ANKRD12: variants seen among roughly 807,000 people sequenced by gnomAD.
ANKRD12 encodes ankyrin repeat domain 12.
A neutral mutation model predicts 183.4 loss-of-function variants in ANKRD12; 85 were observed. The ratio of observed to expected loss-of-function variants is 0.46; its 90% CI spans 0.39 to 0.56. The LOEUF (loss-of-function observed/expected upper bound fraction) is 0.56, where lower values mean the gene tolerates loss of function less well. Ranked by LOEUF, ANKRD12 falls within the 20% of genes least tolerant of loss-of-function variation. ANKRD12 has a pLI of 0.00. For missense variants in ANKRD12, 2,405 were observed against 2,357.1 expected (o/e 1.02, Z -0.42); for synonymous variants, 914 against 800.2 (o/e 1.14, Z -2.40).
intron 2 of ANKRD12, among the ~76,000 whole-genome samples, chr18:9,186,437 A>G (rs1314004124): frequency 6.6e-6 from 1 of 152,160 alleles, no homozygotes; most frequent in Non-Finnish European, 1.5e-5. Flanking sequence ...TATGTTTTTC[A>G]AGATCAGTAG....
chr18:9,190,155 A>C (rs930541148), intron 2 of ANKRD12, among the ~76,000 whole-genome samples: 46 of 152,332 alleles, frequency 3.0e-4, no homozygotes, highest in African/African-American at 1.0e-3. Flanking sequence ...TGGATGACTG[A>C]GAGGGTCAAG....
At chr18:9,246,947 A>G (rs955113209) in intron 8 of ANKRD12, among the ~76,000 whole-genome samples, 2 of 150,454 alleles carry the variant, frequency 1.3e-5, no homozygotes, top group Admixed American at 1.3e-4. Context: ...TTTGCACTAC[A>G]CCAGGCTGAT....
intron 4 of ANKRD12, among the ~76,000 whole-genome samples, chr18:9,206,048 C>T (rs2035468424): frequency 1.3e-5 from 2 of 152,066 alleles, no homozygotes; most frequent in African/African-American, 2.4e-5. Context: ...AAAACTGGAA[C>T]ATCTTTGTAT....
intron 8 of ANKRD12, among the ~76,000 whole-genome samples, chr18:9,227,995 C>G (rs1263307101): frequency 1.3e-5 from 2 of 152,164 alleles, no homozygotes; most frequent in Non-Finnish European, 2.9e-5. Flanking sequence ...TCATTCTAGT[C>G]TCTATGTCCA....
chr18:9,234,552 C>T (rs929710257), intron 8 of ANKRD12, among the ~76,000 whole-genome samples: 3 of 152,134 alleles, frequency 2.0e-5, no homozygotes, highest in Admixed American at 1.3e-4. Flanking sequence ...CCCCATAGCA[C>T]CTTTGGGTCC....
At position 9,239,585 on chromosome 18, in the gene ANKRD12, G is replaced by A. The variant is rs530440725; in HGVS notation, c.944-14626G>A. The A allele has an allele frequency of 8.0e-5, 96 of 1,198,124 alleles. 1 individual carries two copies. The African/African-American group carries it at 1.1e-3, about 13-fold the overall frequency. The allele number at this position is 1,198,124 out of a possible 1,614,324, so 74.2% of individuals were successfully genotyped here. On this transcript the variant is annotated intron_variant, in intron 8 of 12. Transcript: ENST00000262126. ...AGTATCATATAAAGATTTTGGAGTT[G>A]CTGAAAAAGACTGATGAAAATACCC...
chr18:9,183,331 A>G (rs1006901164), intron 2 of ANKRD12, among the ~76,000 whole-genome samples: 14 of 111,740 alleles, frequency 1.3e-4, no homozygotes, highest in African/African-American at 4.4e-4. Context: ...TGTGTAGATC[A>G]CTTTGAGTTG....
chr18:9,194,088 T>A (rs1015426717), intron 2 of ANKRD12, among the ~76,000 whole-genome samples: 7 of 152,222 alleles, frequency 4.6e-5, no homozygotes, highest in Admixed American at 4.6e-4. Flanking sequence ...GATTATTCTT[T>A]GGTTCCTGTG....
At position 9,231,473 on chromosome 18, in the gene ANKRD12, A is replaced by T. The variant is rs139894535; in HGVS notation, c.943+9474A>T. Among the ~76,000 whole-genome samples the T allele has an allele frequency of 2.9e-3, 434 of 151,916 alleles. 2 individuals carry two copies. Among genetic ancestry groups the T allele is most frequent in the Middle Eastern group, 0.017 (5 of 292 alleles). On this transcript the variant is annotated intron_variant, in intron 8 of 12. Coordinates refer to ENST00000262126, the MANE Select transcript of ANKRD12 (RefSeq NM_015208.5). ...ATTGTTATATTCTCTTGCTGTAATGATCTCTTTATCATTATATGATTACCT... is the reference window on the plus strand; with the variant it reads ...ATTGTTATATTCTCTTGCTGTAATGTTCTCTTTATCATTATATGATTACCT...
intron 8 of ANKRD12, among the ~76,000 whole-genome samples, chr18:9,222,877 A>T (rs74931839): frequency 0.013 from 1,959 of 152,324 alleles, 47 homozygotes; most frequent in African/African-American, 0.045. Flanking sequence ...AAAATTGTAA[A>T]TATACTCCAA....
chr18:9,152,163 CCTT>C (rs1435636902), intron 1 of ANKRD12, among the ~76,000 whole-genome samples: 4 of 152,176 alleles, frequency 2.6e-5, no homozygotes, highest in South Asian at 2.1e-4. Context: ...GGAGATGCCC[CCTT>C]CTTTTTCAAA....
At chr18:9,249,990 T>C (rs1364784671) in intron 8 of ANKRD12, 1 of 152,208 alleles carries the variant, frequency 6.6e-6, no homozygotes, top group Admixed American at 6.5e-5. Context: ...TCTTAGTAGA[T>C]GGCCTTGGAA....
At chr18:9,239,268 G>T (rs185694254) in intron 8 of ANKRD12, among the ~76,000 whole-genome samples, 1 of 152,068 alleles carries the variant, frequency 6.6e-6, no homozygotes, top group African/African-American at 2.4e-5. Flanking sequence ...AATTGCTGTC[G>T]CTTCTGAAAA....
chr18:9,193,709 A>G (rs996584626), intron 2 of ANKRD12, among the ~76,000 whole-genome samples: 15 of 151,992 alleles, frequency 9.9e-5, no homozygotes, highest in Non-Finnish European at 1.9e-4. Flanking sequence ...GAAAACTGGT[A>G]TCTTTTATAG....
At chr18:9,165,439 A>G (rs2031937381) in intron 1 of ANKRD12, among the ~76,000 whole-genome samples, 1 of 152,134 alleles carries the variant, frequency 6.6e-6, no homozygotes, top group Non-Finnish European at 1.5e-5. Flanking sequence ...TGCAACCATC[A>G]CCACTGTTCT....
intron 1 of ANKRD12, among the ~76,000 whole-genome samples, chr18:9,161,611 TG>T (rs1858132145): frequency 6.6e-6 from 1 of 151,776 alleles, no homozygotes; most frequent in East Asian, 1.9e-4. Context: ...CTGCTGACCT[TG>T]TGATCCGCCC....
chr18:9,258,394 A>C lies in ANKRD12; in HGVS notation c.5127A>C (p.Lys1709Asn), dbSNP rs201330519. Reference protein sequence around the residue: ...SQQSTQPEMHKYGQLVKVELE... With the variant: ...SQQSTQPEMHNYGQLVKVELE... ...AGTCAACTCAACCAGAAATGCATAA[A>C]TATGGTCAGTTAGTTAAAGTAGAAT... is the stretch of plus-strand genomic sequence containing the variant. Residue 1709 changes from lysine (K) to asparagine (N), a missense_variant, in exon 9 of 13, where the codon AAA becomes AAC. Lys to Asn is a moderately conservative substitution (Grantham distance 94, BLOSUM62 0). Around this residue, in one of 7 missense-constraint regions of ANKRD12, gnomAD observed 1,983 missense variants for 1,725.9 expected, o/e 1.15. Coordinates refer to ENST00000262126, the MANE Select transcript of ANKRD12 (RefSeq NM_015208.5). 4.3e-6 allele frequency: 7 copies of C among 1,613,838 alleles called. No individual in the cohort carries two copies. In the East Asian group the frequency reaches 1.6e-4, roughly 36 times the overall value.
At chr18:9,226,781 A>G (rs746580280) in intron 8 of ANKRD12, among the ~76,000 whole-genome samples, 23 of 152,210 alleles carry the variant, frequency 1.5e-4, no homozygotes, top group Non-Finnish European at 3.2e-4. Context: ...TCACTTTTTT[A>G]GTATTACAGC....
intron 8 of ANKRD12, among the ~76,000 whole-genome samples, chr18:9,250,411 A>G (rs1470313522): frequency 1.3e-5 from 2 of 152,116 alleles, no homozygotes. Context: ...GGGAATAGAG[A>G]GAAAACGGAT....
Sources: allele counts gnomAD v4.1 joint callset (sites outside exome capture counted in the v4.1 genomes callset), GRCh38; gene constraint gnomAD v4.1.1; regional missense constraint gnomAD v4.1.1; transcripts MANE v1.5; gene names NCBI Gene and HGNC (gene_info 2026-07-23, HGNC 2026-07-21).